The following NRXN1 variants were observed in gnomAD, a reference collection of about 807,000 sequenced individuals.
The protein encoded by NRXN1 is neurexin-1.
A neutral mutation model predicts 150.9 loss-of-function variants in NRXN1; 39 were observed. The ratio of observed to expected loss-of-function variants is 0.26; its 90% CI spans 0.20 to 0.34. The LOEUF (loss-of-function observed/expected upper bound fraction) is 0.34. NRXN1 is among the 10% of genes least tolerant of loss of function. The pLI is 1.00. For missense variants in NRXN1, 1,815 were observed against 1,949.9 expected, an observed-to-expected ratio of 0.93 and a Z score of 1.30; for synonymous variants, 924 against 757.0, an observed-to-expected ratio of 1.22 and a Z score of -3.62.
chr2:50,002,232 A>G (rs1224920557), intron 21 of NRXN1, among the ~76,000 whole-genome samples: 2 of 152,126 alleles, frequency 1.3e-5, no homozygotes, highest in Non-Finnish European at 2.9e-5. Flanking sequence ...GTTTGTTGTC[A>G]TTCATTACAC....
chr2:49,947,503 C>CTTTTTTTTTTTTT (rs376145888), intron 21 of NRXN1, among the ~76,000 whole-genome samples: 3 of 134,068 alleles, frequency 2.2e-5, no homozygotes, highest in Non-Finnish European at 1.6e-5. Flanking sequence ...TTTTTTCTTT[C>CTTTTTTTTTTTTT]TTTTTTTTTT....
intron 3 of NRXN1, 68 bp from the exon 4 acceptor site, chr2:50,922,755 G>A (rs1686244385): frequency 2.0e-6 from 3 of 1,482,206 alleles, no homozygotes; most frequent in Non-Finnish European, 2.8e-6. Context: ...TTGTCACGGT[G>A]ACAAAAATGT....
intron 18 of NRXN1, among the ~76,000 whole-genome samples, chr2:50,169,005 C>T (rs985540732): frequency 4.6e-5 from 7 of 152,162 alleles, no homozygotes; most frequent in Middle Eastern, 3.2e-3. Flanking sequence ...TATGAGTTTT[C>T]ACACACGGAA....
At chr2:50,841,361 G>A (rs145176910) in intron 5 of NRXN1, among the ~76,000 whole-genome samples, 39 of 152,268 alleles carry the variant, frequency 2.6e-4, no homozygotes, top group African/African-American at 9.1e-4. Context: ...GCTACTTGCA[G>A]AAGTCAAAGT....
intron 21 of NRXN1, among the ~76,000 whole-genome samples, chr2:50,001,593 G>T (rs904275315): frequency 6.6e-6 from 1 of 152,042 alleles, no homozygotes; most frequent in Non-Finnish European, 1.5e-5. Context: ...TAACTTAAAT[G>T]CTCTCTGCCT....
intron 20 of NRXN1, 79 bp from the exon 21 acceptor site, chr2:50,053,669 T>C: frequency 1.4e-6 from 2 of 1,414,002 alleles, no homozygotes; most frequent in Admixed American, 3.5e-5. Context: ...AACAGATCTT[T>C]TATGGGGTGA....
intron 5 of NRXN1, among the ~76,000 whole-genome samples, chr2:50,893,343 A>C (rs1681381974): frequency 1.3e-5 from 2 of 152,186 alleles, no homozygotes; most frequent in Admixed American, 1.3e-4. Context: ...TTTTGTAGTT[A>C]AATATATCCT....
intron 17 of NRXN1, among the ~76,000 whole-genome samples, chr2:50,418,977 T>A (rs953779537): frequency 1.5e-4 from 23 of 152,048 alleles, no homozygotes; most frequent in African/African-American, 5.1e-4. Flanking sequence ...TGTAGTTAAG[T>A]TACAAAAATC....
intron 18 of NRXN1, among the ~76,000 whole-genome samples, chr2:50,216,245 A>G (rs1451235015): frequency 1.3e-5 from 2 of 152,014 alleles, no homozygotes; most frequent in African/African-American, 2.4e-5. Context: ...AAATTAAATT[A>G]AATACTTCAG....
chr2:50,645,828 A>G (rs1162605843), intron 5 of NRXN1, among the ~76,000 whole-genome samples: 1 of 152,008 alleles, frequency 6.6e-6, no homozygotes, highest in Non-Finnish European at 1.5e-5. Context: ...GCCTGAATGT[A>G]AGATCGAGAA....
intron 2 of NRXN1, among the ~76,000 whole-genome samples, chr2:50,943,778 G>A (rs1299695899): frequency 7.0e-6 from 1 of 143,078 alleles, no homozygotes; most frequent in Non-Finnish European, 1.6e-5. Context: ...AAAATGTAAT[G>A]TGAAATAACT....
chr2:50,614,219 G>A (rs1426168140), intron 8 of NRXN1, among the ~76,000 whole-genome samples: 1 of 152,056 alleles, frequency 6.6e-6, no homozygotes, highest in African/African-American at 2.4e-5. Context: ...AAAACCTGGG[G>A]ATAAATTGTT....
intron 5 of NRXN1, among the ~76,000 whole-genome samples, chr2:50,666,573 T>G (rs1349901177): frequency 6.6e-6 from 1 of 151,946 alleles, no homozygotes; most frequent in Non-Finnish European, 1.5e-5. Flanking sequence ...GTTTCAGTTC[T>G]TCCACATTTT....
At chr2:50,987,628 C>T (rs1454183578) in intron 2 of NRXN1, among the ~76,000 whole-genome samples, 3 of 151,930 alleles carry the variant, frequency 2.0e-5, no homozygotes, top group Admixed American at 1.3e-4. Context: ...TAACAACCTC[C>T]CACTCTACAT....
chr2:50,675,298 T>C (rs182432018), intron 5 of NRXN1, among the ~76,000 whole-genome samples: 7 of 152,262 alleles, frequency 4.6e-5, no homozygotes, highest in Admixed American at 1.3e-4. Flanking sequence ...TGTGAATCAA[T>C]AGATTTTAAA....
intron 17 of NRXN1, among the ~76,000 whole-genome samples, chr2:50,266,394 C>T (rs1196394411): frequency 6.8e-6 from 1 of 147,586 alleles, no homozygotes; most frequent in Non-Finnish European, 1.5e-5. Flanking sequence ...ATATTATATA[C>T]TATAAATGTA....
At chr2:50,228,469 G>A (rs2064620061) in intron 18 of NRXN1, among the ~76,000 whole-genome samples, 1 of 150,526 alleles carries the variant, frequency 6.6e-6, no homozygotes, top group Non-Finnish European at 1.5e-5. Flanking sequence ...GAGATGATGA[G>A]TTCAGTTGTT....
At chr2:50,060,568 G>T (rs1213602707) in intron 19 of NRXN1, among the ~76,000 whole-genome samples, 1 of 152,088 alleles carries the variant, frequency 6.6e-6, no homozygotes, top group South Asian at 2.1e-4. Context: ...AGGGGCCAGG[G>T]ATATGGTTTG....
chr2:50,760,148 A>T (rs1307102573), intron 5 of NRXN1, among the ~76,000 whole-genome samples: 1 of 151,872 alleles, frequency 6.6e-6, no homozygotes, highest in Non-Finnish European at 1.5e-5. Context: ...ATGATTCATT[A>T]TTCTTCAAAG....
Sources: allele counts gnomAD v4.1 joint callset (sites outside exome capture counted in the v4.1 genomes callset), GRCh38; gene constraint gnomAD v4.1.1; transcripts MANE v1.5; gene names NCBI Gene and HGNC (gene_info 2026-07-23, HGNC 2026-07-21).